Variants in SPATS2 observed in about 807,000 individuals in gnomAD.
SPATS2 encodes spermatogenesis-associated serine-rich protein 2.
A neutral mutation model predicts 63.7 loss-of-function variants in SPATS2; 38 were observed. The ratio of observed to expected loss-of-function variants is 0.60; its 90% CI spans 0.46 to 0.78. SPATS2 has a LOEUF of 0.78. Ranked by LOEUF, SPATS2 falls within the 30% of genes least tolerant of loss-of-function variation. The pLI is 0.00. For synonymous variants in SPATS2, 207 were observed against 232.9 expected, an observed-to-expected ratio of 0.89 and a Z score of 1.01; for missense variants, 588 against 666.2, an observed-to-expected ratio of 0.88 and a Z score of 1.29.
intron 2 of SPATS2, among the ~76,000 whole-genome samples, chr12:49,425,114 T>G (rs932229347): frequency 6.6e-6 from 1 of 152,294 alleles, no homozygotes; most frequent in Admixed American, 6.5e-5. Flanking sequence ...TCTTGCAACT[T>G]CTATTTACGG....
At chr12:49,431,354 T>C (rs1246876685) in intron 2 of SPATS2, among the ~76,000 whole-genome samples, 2 of 152,056 alleles carry the variant, frequency 1.3e-5, no homozygotes, top group African/African-American at 2.4e-5. Context: ...GTTCAAGTGA[T>C]TCTCCTGCCC....
chr12:49,390,985 A>G (rs979867471), intron 2 of SPATS2, among the ~76,000 whole-genome samples: 3 of 152,184 alleles, frequency 2.0e-5, no homozygotes, highest in African/African-American at 7.2e-5. Flanking sequence ...AATTAACAGA[A>G]TTGAAGTGTT....
chr12:49,394,874 C>G (rs1191552219), intron 2 of SPATS2, among the ~76,000 whole-genome samples: 1 of 151,828 alleles, frequency 6.6e-6, no homozygotes, highest in Non-Finnish European at 1.5e-5. Flanking sequence ...GAGTTCGAAA[C>G]CAGCCTGGCC....
intron 2 of SPATS2, among the ~76,000 whole-genome samples, chr12:49,396,091 A>C (rs1173932948): frequency 6.6e-6 from 1 of 152,178 alleles, no homozygotes. Flanking sequence ...CTTTTTTAAA[A>C]CTTAATATTC....
chr12:49,411,110 G>T (rs1944790207), intron 2 of SPATS2, among the ~76,000 whole-genome samples: 1 of 152,122 alleles, frequency 6.6e-6, no homozygotes, highest in South Asian at 2.1e-4. Context: ...AGGAGCCAGA[G>T]CCCATACTGA....
At chr12:49,524,545 C>T in intron 12 of SPATS2, 137 bp from the exon 13 acceptor site, 3 of 859,158 alleles carry the variant, frequency 3.5e-6, no homozygotes, top group South Asian at 3.7e-5. Flanking sequence ...TTCCTGTTAC[C>T]AGTTTTATAG....
chr12:49,399,904 G>A (rs146952146), intron 2 of SPATS2, among the ~76,000 whole-genome samples: 117 of 152,248 alleles, frequency 7.7e-4, no homozygotes, highest in African/African-American at 2.4e-3. Flanking sequence ...AGGCGTGGTG[G>A]CAGGTGCCTT....
chr12:49,398,654 T>C (rs1282683233), intron 2 of SPATS2, among the ~76,000 whole-genome samples: 2 of 152,302 alleles, frequency 1.3e-5, no homozygotes, highest in East Asian at 3.9e-4. Context: ...TTTTCAAACA[T>C]GAGAAATCTG....
Position 49,494,859 on chromosome 12 carries a change from G to A in SPATS2, c.383G>A (p.Gly128Asp), listed in dbSNP as rs142910081. The A allele has an allele frequency of 4.3e-6, 7 of 1,613,880 alleles. No individual in the cohort carries two copies. Among genetic ancestry groups the A allele is most frequent in the Admixed American group, 1.7e-5 (1 of 59,938 alleles). The change falls in exon 7 of 14, where the codon GGT becomes GAT. Residue 128 changes from glycine to aspartate, a missense_variant. Transcript: ENST00000552918. ...EQSAPSSEKG[G>D]MNGYHVNGAI... ...TCTGCGCCTTCCTCAGAGAAAGGTG[G>A]TATGAATGGCTACCATGTCAATGGT...
intron 2 of SPATS2, among the ~76,000 whole-genome samples, chr12:49,446,091 A>G (rs1232878655): frequency 6.6e-6 from 1 of 151,464 alleles, no homozygotes; most frequent in Non-Finnish European, 1.5e-5. Context: ...TTTAGTAGAG[A>G]TGGGGTTTCA....
At chr12:49,457,459 G>A (rs1442856073) in intron 2 of SPATS2, among the ~76,000 whole-genome samples, 2 of 151,086 alleles carry the variant, frequency 1.3e-5, no homozygotes, top group African/African-American at 4.9e-5. Flanking sequence ...TTGACACAGA[G>A]TTTTGCTCTT....
intron 2 of SPATS2, among the ~76,000 whole-genome samples, chr12:49,443,536 TTGTA>T (rs1209677533): frequency 6.6e-6 from 1 of 152,024 alleles, no homozygotes; most frequent in Admixed American, 6.6e-5. Flanking sequence ...CTTTTATAGA[TTGTA>T]TGGTTTGTGC....
chr12:49,492,467 G>T (rs1029972384), intron 6 of SPATS2, among the ~76,000 whole-genome samples: 3 of 151,890 alleles, frequency 2.0e-5, no homozygotes, highest in African/African-American at 7.3e-5. Flanking sequence ...AGTGATCTGC[G>T]CACCTTGGCC....
chr12:49,480,683 CT>C (rs1227562504), intron 3 of SPATS2, among the ~76,000 whole-genome samples: 2 of 151,990 alleles, frequency 1.3e-5, no homozygotes, highest in Non-Finnish European at 2.9e-5. Flanking sequence ...TATGTTTTAT[CT>C]TTTAAGGAAC....
At position 49,524,673 on chromosome 12, in the gene SPATS2, C is replaced by G. The variant is rs1357091400; in HGVS notation, c.1112-9C>G. ...ATATGATCATATATTCCTCATATTTCTGTTTCAGTGTCTCATCCAAAGAAC... is the reference window on the plus strand; with the variant it reads ...ATATGATCATATATTCCTCATATTTGTGTTTCAGTGTCTCATCCAAAGAAC... On this transcript the variant is annotated splice_polypyrimidine_tract_variant and intron_variant, in intron 12 of 13. Coordinates refer to ENST00000552918, the MANE Select transcript of SPATS2 (RefSeq NM_023071.4). 1.2e-6 allele frequency: 2 copies of G among 1,613,750 alleles called. No homozygotes were observed. The highest frequency in any genetic ancestry group is 4.5e-5 in the East Asian group (2 of 44,894).
intron 6 of SPATS2, among the ~76,000 whole-genome samples, chr12:49,492,232 C>G (rs944385473): frequency 9.0e-6 from 1 of 111,630 alleles, no homozygotes; most frequent in East Asian, 2.5e-4. Flanking sequence ...TTTTTTTTTT[C>G]TTTTTGAGAT....
intron 8 of SPATS2, 127 bp from the exon 9 acceptor site, chr12:49,499,943 G>A (rs577868114): frequency 3.0e-6 from 2 of 656,434 alleles, no homozygotes; most frequent in South Asian, 1.6e-4. Context: ...TCTCATTGGG[G>A]AAGGTGGTTA....
At chr12:49,439,023 AAC>A (rs1184759509) in intron 2 of SPATS2, among the ~76,000 whole-genome samples, 3 of 152,200 alleles carry the variant, frequency 2.0e-5, no homozygotes, top group Non-Finnish European at 4.4e-5. Context: ...AATGTAGAAA[AAC>A]ACAGGGTAAA....
At chr12:49,514,820 T>C (rs1014784754) in intron 10 of SPATS2, among the ~76,000 whole-genome samples, 1 of 152,234 alleles carries the variant, frequency 6.6e-6, no homozygotes, top group African/African-American at 2.4e-5. Flanking sequence ...TTCCAAATCT[T>C]AATATTTTGA....
Sources: allele counts gnomAD v4.1 joint callset (sites outside exome capture counted in the v4.1 genomes callset), GRCh38; gene constraint gnomAD v4.1.1; transcripts MANE v1.5; gene names NCBI Gene and HGNC (gene_info 2026-07-23, HGNC 2026-07-21).